The following SORCS1 variants were observed in gnomAD, a reference collection of about 807,000 sequenced individuals.
SORCS1 encodes the protein sortilin related VPS10 domain containing receptor 1, also known as VPS10 domain-containing receptor SorCS1.
Under a neutral mutation model 146.1 loss-of-function variants are expected in SORCS1, and 60 were observed. The observed-to-expected ratio is 0.41, with a 90% CI of 0.33 to 0.51. SORCS1 has a LOEUF of 0.51. Among genes scored for constraint, SORCS1 ranks in the 20% least tolerant of loss-of-function variants. SORCS1 has a pLI of 0.21. For synonymous variants in SORCS1, 637 were observed against 584.0 expected, an observed-to-expected ratio of 1.09 and a Z score of -1.31; for missense variants, 1,352 against 1,487.6, an observed-to-expected ratio of 0.91 and a Z score of 1.50.
chr10:106,725,230 A>T (rs1483985911), intron 6 of SORCS1, among the ~76,000 whole-genome samples: 1 of 152,136 alleles, frequency 6.6e-6, no homozygotes, highest in Non-Finnish European at 1.5e-5. Flanking sequence ...CCTAGAATAA[A>T]AACCATGGGT....
At chr10:106,636,015 G>A (rs561636202) in intron 18 of SORCS1, among the ~76,000 whole-genome samples, 5 of 152,306 alleles carry the variant, frequency 3.3e-5, no homozygotes, top group South Asian at 2.1e-4. Context: ...ACAGTTCAAC[G>A]TACCCTGGCG....
chr10:106,991,453 G>C, intron 1 of SORCS1, among the ~76,000 whole-genome samples: 1 of 152,036 alleles, frequency 6.6e-6, no homozygotes, highest in Non-Finnish European at 1.5e-5. Context: ...ATGTTTGAAA[G>C]CCCACAGATC....
At position 106,899,518 on chromosome 10, in the gene SORCS1, G is replaced by A. The variant is rs545827922; in HGVS notation, c.626+56995C>T. On this transcript the variant is annotated intron_variant, in intron 2 of 25. Coordinates refer to ENST00000263054, the MANE Select transcript of SORCS1 (RefSeq NM_052918.5). ...GTCTGAAGTTCTAAAAATCATCCAG[G>A]GCTGCGCCATCTCACTTACTTCCTT... Among the ~76,000 whole-genome samples the A allele has an allele frequency of 1.4e-4, 21 of 152,040 alleles. No homozygotes were observed. The South Asian group carries it at 4.0e-3, about 29-fold the overall frequency.
chr10:106,685,201 A>G (rs1852733905), intron 10 of SORCS1, among the ~76,000 whole-genome samples: 1 of 152,184 alleles, frequency 6.6e-6, no homozygotes, highest in Admixed American at 6.5e-5. Flanking sequence ...AGCTTCCATT[A>G]AAATCCAAAC....
intron 1 of SORCS1, among the ~76,000 whole-genome samples, chr10:107,104,300 T>C (rs1181271114): frequency 6.6e-6 from 1 of 152,216 alleles, no homozygotes; most frequent in African/African-American, 2.4e-5. Flanking sequence ...CCGCTGAATT[T>C]TACCTCCTCT....
chr10:107,061,962 T>C (rs982101726), intron 1 of SORCS1, among the ~76,000 whole-genome samples: 7 of 152,210 alleles, frequency 4.6e-5, no homozygotes, highest in Admixed American at 1.3e-4. Flanking sequence ...GATTTTACTC[T>C]GCATTAGACA....
chr10:106,698,090 C>T lies in SORCS1; in HGVS notation c.1413+1124G>A, dbSNP rs193102801. Among the ~76,000 whole-genome samples the T allele has an allele frequency of 1.1e-3, 164 of 152,260 alleles. 1 individual carries two copies. Among genetic ancestry groups the T allele is most frequent in the African/African-American group, 3.8e-3 (156 of 41,554 alleles). On this transcript the variant is annotated intron_variant, in intron 9 of 25. Coordinates refer to ENST00000263054, the MANE Select transcript of SORCS1 (RefSeq NM_052918.5). Reference sequence around the variant, plus strand: ...ATAATTTCTATTACAAATACCTGGGCTCTAAATTTGGCATACAGTTTACTA... The same window carrying T: ...ATAATTTCTATTACAAATACCTGGGTTCTAAATTTGGCATACAGTTTACTA...
At chr10:106,789,630 A>G (rs753766939) in intron 3 of SORCS1, among the ~76,000 whole-genome samples, 5 of 152,164 alleles carry the variant, frequency 3.3e-5, no homozygotes, top group Admixed American at 3.3e-4. Flanking sequence ...TGTTTATATC[A>G]CTAATCAGCA....
At chr10:106,862,487 T>TTG (rs1950053745) in intron 2 of SORCS1, among the ~76,000 whole-genome samples, 1 of 152,168 alleles carries the variant, frequency 6.6e-6, no homozygotes, top group South Asian at 2.1e-4. Flanking sequence ...CTCATCTCTC[T>TTG]TCAATGTTTT....
At chr10:106,639,249 A>G (rs1564806281) in intron 18 of SORCS1, among the ~76,000 whole-genome samples, 1 of 152,180 alleles carries the variant, frequency 6.6e-6, no homozygotes, top group Admixed American at 6.5e-5. Context: ...GGTAGTGACC[A>G]CCCATGTGGA....
At chr10:106,781,662 G>A (rs554824579) in intron 3 of SORCS1, among the ~76,000 whole-genome samples, 2 of 152,264 alleles carry the variant, frequency 1.3e-5, no homozygotes, top group East Asian at 3.9e-4. Flanking sequence ...TAAGCAAAAT[G>A]TAATCAGAGA....
At chr10:106,924,026 G>A (rs1389445377) in intron 2 of SORCS1, among the ~76,000 whole-genome samples, 1 of 152,148 alleles carries the variant, frequency 6.6e-6, no homozygotes, top group Non-Finnish European at 1.5e-5. Context: ...GGGAGGCCAA[G>A]GGCAGATCAT....
At chr10:107,133,891 A>G (rs1307522237) in intron 1 of SORCS1, among the ~76,000 whole-genome samples, 1 of 152,224 alleles carries the variant, frequency 6.6e-6, no homozygotes, top group Non-Finnish European at 1.5e-5. Context: ...ACAAACATAA[A>G]TAGCTTACTC....
chr10:106,917,543 CTT>C (rs1952505374), intron 2 of SORCS1, among the ~76,000 whole-genome samples: 1 of 152,304 alleles, frequency 6.6e-6, no homozygotes, highest in South Asian at 2.1e-4. Context: ...ACAGATGACT[CTT>C]TTTCATGCAG....
chr10:107,129,388 A>G (rs1012808927), intron 1 of SORCS1, among the ~76,000 whole-genome samples: 3 of 152,214 alleles, frequency 2.0e-5, no homozygotes, highest in East Asian at 1.9e-4. Flanking sequence ...TTCAACGTTA[A>G]GAGAAATACA....
intron 1 of SORCS1, among the ~76,000 whole-genome samples, chr10:106,973,877 T>C (rs1452086208): frequency 6.6e-6 from 1 of 152,228 alleles, no homozygotes; most frequent in African/African-American, 2.4e-5. Context: ...TTTAGCATTC[T>C]GTCAGGAGGA....
intron 10 of SORCS1, among the ~76,000 whole-genome samples, chr10:106,681,720 A>T (rs1289830314): frequency 6.6e-6 from 1 of 152,214 alleles, no homozygotes; most frequent in Non-Finnish European, 1.5e-5. Context: ...ATCCCTAGCC[A>T]GGAGAGCACC....
intron 1 of SORCS1, among the ~76,000 whole-genome samples, chr10:106,986,713 G>A (rs1041943279): frequency 3.3e-5 from 5 of 151,738 alleles, no homozygotes; most frequent in South Asian, 2.1e-4. Flanking sequence ...ATTTCTATTC[G>A]TCTACAAGTT....
intron 2 of SORCS1, among the ~76,000 whole-genome samples, chr10:106,902,435 T>C (rs1327945781): frequency 6.6e-6 from 1 of 152,026 alleles, no homozygotes; most frequent in Non-Finnish European, 1.5e-5. Context: ...AAGAAATAAA[T>C]GATTTAACCA....
Sources: gnomAD v4.1 joint callset for allele counts (sites outside exome capture counted in the v4.1 genomes callset) on GRCh38, gnomAD v4.1.1 for gene constraint, MANE v1.5 for transcripts, NCBI Gene and HGNC (gene_info 2026-07-23, HGNC 2026-07-21) for gene names.